Variants in RBPMS observed in about 807,000 individuals in gnomAD.
The protein encoded by RBPMS is RNA binding protein, mRNA processing factor.
A neutral mutation model predicts 26.8 loss-of-function variants in RBPMS; 7 were observed. That is an observed-to-expected ratio of 0.26 (90% CI 0.15 to 0.49). The LOEUF (loss-of-function observed/expected upper bound fraction) is 0.49, where lower values mean the gene tolerates loss of function less well. Among genes scored for constraint, RBPMS ranks in the 20% least tolerant of loss-of-function variants. RBPMS has a pLI of 0.98. For synonymous variants in RBPMS, 96 were observed against 93.3 expected, an observed-to-expected ratio of 1.03 and a Z score of -0.17; for missense variants, 186 against 250.0, an observed-to-expected ratio of 0.74 and a Z score of 1.73.
At position 30,474,836 on chromosome 8, in the gene RBPMS, C is replaced by T. The variant is rs769102908; in HGVS notation, c.124C>T (p.Leu42=). ...GGATATCAAACCTCGGGAGCTCTAT[C>T]TGCTTTTCAGACCATTTAAGGTACC... ...PLDIKPRELY[L]LFRPFKGYEG... Residue 42 remains leucine (L), a synonymous_variant, in exon 2 of 9, where the codon CTG becomes TTG. Coordinates refer to ENST00000397323, the MANE Select transcript of RBPMS (RefSeq NM_001008710.3). 4 of 1,609,836 alleles carry T rather than the reference C, an allele frequency of 2.5e-6. No individual in the cohort carries two copies. Among genetic ancestry groups the T allele is most frequent in the Non-Finnish European group, 3.4e-6 (4 of 1,176,254 alleles).
chr8:30,498,859 A>C (rs1190705135), intron 4 of RBPMS, among the ~76,000 whole-genome samples: 1 of 152,002 alleles, frequency 6.6e-6, no homozygotes, highest in Admixed American at 6.6e-5. Flanking sequence ...ATACATCTAA[A>C]TATATTTTAA....
chr8:30,511,482 AAAAAATATATATATATATATATAT>A lies in RBPMS; in HGVS notation c.397+7048_397+7071del, dbSNP rs1410966549. ...TTAAAACAAAAAAAGAAAAAAAAAA[AAAAAATATATATATATATATATAT>A]ATATATATATATATATATATTTCTG... is the stretch of plus-strand genomic sequence containing the variant. On this transcript the variant is annotated intron_variant, in intron 5 of 8. Coordinates refer to ENST00000397323, the MANE Select transcript of RBPMS (RefSeq NM_001008710.3). 0.012 allele frequency among the ~76,000 whole-genome samples: 82 copies of A among 6,792 alleles called. 4 individuals are homozygous for A. In the East Asian group the frequency reaches 0.15, roughly 12 times the overall value. 4.5% of individuals were successfully genotyped at this position (6,792 alleles called of 152,430 possible). A position where few individuals can be genotyped will look rare whatever the true frequency, so the allele number is the denominator to read the frequency against.
chr8:30,543,169 C>A (rs932832403), intron 5 of RBPMS, among the ~76,000 whole-genome samples: 1 of 152,172 alleles, frequency 6.6e-6, no homozygotes, highest in Non-Finnish European at 1.5e-5. Context: ...GCCCTCTGAA[C>A]GTATCATCAG....
At chr8:30,530,353 T>C (rs1824079117) in intron 5 of RBPMS, among the ~76,000 whole-genome samples, 1 of 152,222 alleles carries the variant, frequency 6.6e-6, no homozygotes, top group Non-Finnish European at 1.5e-5. Context: ...TTGTGGGACG[T>C]GGGTCAAGTT....
chr8:30,556,292 T>C (rs1826903873), intron 6 of RBPMS: 1 of 985,400 alleles, frequency 1.0e-6, no homozygotes, highest in Non-Finnish European at 1.2e-6. Context: ...CCCGCCTTCA[T>C]GTCACTCTGG....
At chr8:30,411,293 T>C (rs947073250) in intron 1 of RBPMS, among the ~76,000 whole-genome samples, 5 of 152,126 alleles carry the variant, frequency 3.3e-5, no homozygotes, top group Non-Finnish European at 7.4e-5. Flanking sequence ...ATTCTAAGGA[T>C]TGGAATCTTC....
intron 1 of RBPMS, among the ~76,000 whole-genome samples, chr8:30,439,644 T>C (rs1812852300): frequency 6.6e-6 from 1 of 152,086 alleles, no homozygotes; most frequent in Admixed American, 6.5e-5. Context: ...TTTTTGACTT[T>C]TTTTTTTCCT....
At position 30,479,392 on chromosome 8, in the gene RBPMS, T is replaced by A; in HGVS notation, c.246+15T>A. ...ATGCTTTGAATGTAAGTACTAATGA[T>A]GTAATTGTAGGGGGTTTCCATATGA... On this transcript the variant is annotated intron_variant, in intron 4 of 8. Transcript: ENST00000397323. 2 of 1,580,826 alleles carry A rather than the reference T, an allele frequency of 1.3e-6. No individual in the cohort carries two copies. The highest frequency in any genetic ancestry group is 1.7e-6 in the Non-Finnish European group (2 of 1,156,716).
At chr8:30,475,654 G>C (rs761540561) in intron 2 of RBPMS, among the ~76,000 whole-genome samples, 1 of 152,204 alleles carries the variant, frequency 6.6e-6, no homozygotes, top group Non-Finnish European at 1.5e-5. Context: ...AGTGATAGAG[G>C]CATGACAGGT....
At chr8:30,422,533 T>C (rs1287248808) in intron 1 of RBPMS, among the ~76,000 whole-genome samples, 1 of 152,086 alleles carries the variant, frequency 6.6e-6, no homozygotes, top group African/African-American at 2.4e-5. Flanking sequence ...CCTCCCAAGG[T>C]GCTGAGATTA....
chr8:30,526,825 T>TG (rs988436823), intron 5 of RBPMS, among the ~76,000 whole-genome samples: 2 of 152,174 alleles, frequency 1.3e-5, no homozygotes, highest in Non-Finnish European at 2.9e-5. Flanking sequence ...CAAAAGGTAT[T>TG]GGGAGGTATT....
At chr8:30,453,401 T>C (rs1261574343) in intron 1 of RBPMS, among the ~76,000 whole-genome samples, 1 of 152,230 alleles carries the variant, frequency 6.6e-6, no homozygotes, top group Non-Finnish European at 1.5e-5. Context: ...ACTCATTAAT[T>C]AATCACTGAC....
intron 7 of RBPMS, chr8:30,561,964 A>G (rs561069763): frequency 2.0e-6 from 2 of 985,362 alleles, no homozygotes; most frequent in East Asian, 2.3e-4. Flanking sequence ...AATGGCTACT[A>G]GAAGGACGAA....
Position 30,545,299 on chromosome 8 carries a change from C to A in RBPMS, c.528+675C>A, listed in dbSNP as rs558369833. ...TTTATAAACAAACTTCCTGTTTCTCCGCAAAGATTACTGTCTACATACTAA... is the reference window on the plus strand; with the variant it reads ...TTTATAAACAAACTTCCTGTTTCTCAGCAAAGATTACTGTCTACATACTAA... On this transcript the variant is annotated intron_variant, in intron 6 of 8. Transcript: ENST00000397323. 3 of 1,196,218 alleles carry A rather than the reference C, an allele frequency of 2.5e-6. No individual in the cohort carries two copies. The Admixed American group carries it at 1.1e-4, about 45-fold the overall frequency. 74.1% of individuals were successfully genotyped at this position (1,196,218 alleles called of 1,614,324 possible).
At chr8:30,459,854 T>C (rs536137382) in intron 1 of RBPMS, among the ~76,000 whole-genome samples, 22 of 152,346 alleles carry the variant, frequency 1.4e-4, no homozygotes, top group Admixed American at 3.3e-4. Context: ...CATGTTAACC[T>C]AGATTATTTC....
intron 1 of RBPMS, among the ~76,000 whole-genome samples, chr8:30,451,615 T>C (rs2150747440): frequency 6.6e-6 from 1 of 152,332 alleles, no homozygotes; most frequent in African/African-American, 2.4e-5. Flanking sequence ...GGCTAGTGTC[T>C]TTCTCAGGGA....
At chr8:30,557,418 G>A (rs1051881579) in intron 6 of RBPMS, among the ~76,000 whole-genome samples, 4 of 152,114 alleles carry the variant, frequency 2.6e-5, no homozygotes, top group African/African-American at 7.2e-5. Context: ...GCCTCATCCT[G>A]GATTCTGACC....
intron 4 of RBPMS, among the ~76,000 whole-genome samples, chr8:30,491,272 G>A (rs1336377510): frequency 1.3e-5 from 2 of 152,072 alleles, no homozygotes; most frequent in African/African-American, 4.8e-5. Context: ...TTTTTTAAAT[G>A]TACTACAGCT....
intron 5 of RBPMS, among the ~76,000 whole-genome samples, chr8:30,517,862 C>T (rs922457403): frequency 6.6e-6 from 1 of 152,160 alleles, no homozygotes; most frequent in Non-Finnish European, 1.5e-5. Flanking sequence ...ATTGTGGAAA[C>T]AGATCGACAG....
Sources: gnomAD v4.1 joint callset for allele counts (sites outside exome capture counted in the v4.1 genomes callset) on GRCh38, gnomAD v4.1.1 for gene constraint, MANE v1.5 for transcripts, NCBI Gene and HGNC (gene_info 2026-07-23, HGNC 2026-07-21) for gene names.